Variants in C17orf67 observed in about 807,000 individuals in gnomAD.
C17orf67 encodes the protein chromosome 17 open reading frame 67, also known as uncharacterized protein C17orf67.
A neutral mutation model predicts 11.2 loss-of-function variants in C17orf67; 12 were observed. The observed-to-expected ratio is 1.07, with a 90% CI of 0.68 to 1.73. The LOEUF is 1.73. Ranked by LOEUF, C17orf67 falls within the 40% of genes most tolerant of loss-of-function variation. C17orf67 has a pLI of 0.00. For synonymous variants in C17orf67, 59 were observed against 46.9 expected, an observed-to-expected ratio of 1.26 and a Z score of -1.05; for missense variants, 115 against 113.5, an observed-to-expected ratio of 1.01 and a Z score of -0.06.
chr17:56,797,983 TCTC>T (rs1247933305), intron 6 of C17orf67, among the ~76,000 whole-genome samples: 2 of 152,198 alleles, frequency 1.3e-5, no homozygotes, highest in African/African-American at 4.8e-5. Context: ...AGTTATAAGC[TCTC>T]CTCCTTCCCT....
At chr17:56,806,125 C>T (rs1304174944) in intron 6 of C17orf67, among the ~76,000 whole-genome samples, 1 of 151,912 alleles carries the variant, frequency 6.6e-6, no homozygotes, top group African/African-American at 2.4e-5. Flanking sequence ...CAGGTACCCA[C>T]CACCACACCT....
Position 56,833,829 on chromosome 17 carries a change from C to T in C17orf67, c.-1213G>A, listed in dbSNP as rs1401939170. ...GGTGCTGCGAGGAGGATCCTCGTGG[C>T]CTTGCCCCGCCGGCGGCTTTCCAGA... On this transcript the variant is annotated 5_prime_UTR_variant, in exon 1 of 8. Coordinates refer to ENST00000397861, the MANE Select transcript of C17orf67 (RefSeq NM_001085430.4). 6.6e-6 allele frequency: 1 copy of T among 151,804 alleles called. No homozygotes were observed. The highest frequency in any genetic ancestry group is 1.5e-5 in the Non-Finnish European group (1 of 68,038). The allele number at this position is 151,804 out of a possible 1,614,324, so 9.4% of individuals were successfully genotyped here.
intron 6 of C17orf67, among the ~76,000 whole-genome samples, chr17:56,797,281 G>T (rs964508148): frequency 2.0e-5 from 3 of 152,188 alleles, no homozygotes; most frequent in Admixed American, 6.5e-5. Context: ...GTCTAAGTTT[G>T]CAGGGCCAAG....
chr17:56,794,242 T>C (rs569127745), intron 7 of C17orf67, among the ~76,000 whole-genome samples: 1 of 152,318 alleles, frequency 6.6e-6, no homozygotes, highest in African/African-American at 2.4e-5. Context: ...CAATTCACAG[T>C]AGCACAAAAT....
rs143988904 is a variant in C17orf67 at position 56,816,720 on chromosome 17, C to T, written c.-200-710G>A. On this transcript the variant is annotated intron_variant, in intron 4 of 7. Coordinates refer to ENST00000397861, the MANE Select transcript of C17orf67 (RefSeq NM_001085430.4). ...CATGCTGTCATAAGACTGGAACCAGCCATGCTCCAGATTCAAGGGTATTTT... is the reference window on the plus strand; with the variant it reads ...CATGCTGTCATAAGACTGGAACCAGTCATGCTCCAGATTCAAGGGTATTTT... Among the ~76,000 whole-genome samples the T allele has an allele frequency of 2.3e-3, 346 of 152,328 alleles. 4 individuals carry two copies. The highest frequency in any genetic ancestry group is 3.3e-3 in the South Asian group (16 of 4,824).
intron 4 of C17orf67, among the ~76,000 whole-genome samples, chr17:56,820,640 A>C (rs1905877891): frequency 6.6e-6 from 1 of 152,236 alleles, no homozygotes; most frequent in African/African-American, 2.4e-5. Flanking sequence ...ACAACGTTGA[A>C]GGAAACAATG....
At chr17:56,811,292 C>A (rs1410210502) in intron 6 of C17orf67, among the ~76,000 whole-genome samples, 1 of 152,182 alleles carries the variant, frequency 6.6e-6, no homozygotes, top group East Asian at 1.9e-4. Flanking sequence ...GTGACTTACC[C>A]AAAGTCCACA....
At chr17:56,819,816 G>A (rs1905855279) in intron 4 of C17orf67, among the ~76,000 whole-genome samples, 1 of 152,202 alleles carries the variant, frequency 6.6e-6, no homozygotes, top group Admixed American at 6.5e-5. Context: ...AAGGCTCCCA[G>A]TAGAAGACGC....
chr17:56,795,947 T>C (rs371525771), intron 6 of C17orf67, among the ~76,000 whole-genome samples: 1 of 152,228 alleles, frequency 6.6e-6, no homozygotes, highest in South Asian at 2.1e-4. Context: ...CAAATATGTG[T>C]AACTAAATCA....
chr17:56,830,914 A>C (rs1906182271), intron 2 of C17orf67, among the ~76,000 whole-genome samples: 1 of 152,168 alleles, frequency 6.6e-6, no homozygotes, highest in Non-Finnish European at 1.5e-5. Context: ...CTTTGTAGGA[A>C]AAGGGGGTAG....
chr17:56,832,389 T>TA (rs904034035), intron 2 of C17orf67, among the ~76,000 whole-genome samples: 2 of 152,208 alleles, frequency 1.3e-5, no homozygotes, highest in African/African-American at 4.8e-5. Flanking sequence ...GTCCCTTTCT[T>TA]AAAGAGTTAA....
intron 7 of C17orf67, among the ~76,000 whole-genome samples, chr17:56,794,258 A>T (rs1905167494): frequency 6.6e-6 from 1 of 152,236 alleles, no homozygotes; most frequent in Non-Finnish European, 1.5e-5. Context: ...AAAATAAACA[A>T]CAAAGGTATA....
At chr17:56,823,873 C>T (rs939679907) in intron 4 of C17orf67, among the ~76,000 whole-genome samples, 2 of 151,844 alleles carry the variant, frequency 1.3e-5, no homozygotes, top group Admixed American at 1.3e-4. Context: ...GAATATTATT[C>T]AGCACTAAAA....
intron 6 of C17orf67, among the ~76,000 whole-genome samples, chr17:56,804,601 T>A (rs539726823): frequency 3.3e-5 from 5 of 152,318 alleles, no homozygotes; most frequent in African/African-American, 1.2e-4. Flanking sequence ...CATGAAAGCA[T>A]ATTTTACAAA....
chr17:56,806,574 G>A (rs1905457517), intron 6 of C17orf67, among the ~76,000 whole-genome samples: 1 of 152,144 alleles, frequency 6.6e-6, no homozygotes, highest in Admixed American at 6.5e-5. Context: ...CTGTTACCCA[G>A]GTTGGAGTGC....
At chr17:56,796,850 G>C (rs1013679876) in intron 6 of C17orf67, among the ~76,000 whole-genome samples, 1 of 54,656 alleles carries the variant, frequency 1.8e-5, no homozygotes, top group African/African-American at 7.8e-5. Context: ...GCTCCACTCT[G>C]ACAGAGTGAC....
chr17:56,814,845 A>C, intron 6 of C17orf67, 24 bp downstream of exon 6: 1 of 1,607,560 alleles, frequency 6.2e-7, no homozygotes, highest in Non-Finnish European at 8.5e-7. Context: ...ATTTTCTTTA[A>C]AACTGCCAGA....
chr17:56,794,180 G>A (rs1457453747), intron 7 of C17orf67, among the ~76,000 whole-genome samples: 1 of 152,210 alleles, frequency 6.6e-6, no homozygotes, highest in Non-Finnish European at 1.5e-5. Flanking sequence ...AGGATCATGT[G>A]AGGCAATTTA....
chr17:56,801,100 A>G (rs1034451541), intron 6 of C17orf67, among the ~76,000 whole-genome samples: 1 of 152,254 alleles, frequency 6.6e-6, no homozygotes, highest in Non-Finnish European at 1.5e-5. Context: ...GAGAATGGAT[A>G]GAGATGGGAA....
Sources: gnomAD v4.1 joint callset for allele counts (sites outside exome capture counted in the v4.1 genomes callset) on GRCh38, gnomAD v4.1.1 for gene constraint, MANE v1.5 for transcripts, NCBI Gene and HGNC (gene_info 2026-07-23, HGNC 2026-07-21) for gene names.